SESN1: variants seen among roughly 807,000 people sequenced by gnomAD.
SESN1 encodes sestrin 1.
Under a neutral mutation model 59.3 loss-of-function variants are expected in SESN1, and 30 were observed. That is an observed-to-expected ratio of 0.51 (90% CI 0.38 to 0.69). The LOEUF is 0.69. SESN1 is among the 30% of genes least tolerant of loss of function. The pLI, the probability that SESN1 is intolerant of heterozygous loss-of-function variation, is 0.00. For synonymous variants in SESN1, 197 were observed against 219.9 expected, an observed-to-expected ratio of 0.90 and a Z score of 0.92; for missense variants, 566 against 673.0, an observed-to-expected ratio of 0.84 and a Z score of 1.76.
intron 4 of SESN1, among the ~76,000 whole-genome samples, chr6:108,999,456 C>T (rs1317470668): frequency 6.6e-6 from 1 of 152,064 alleles, no homozygotes; most frequent in Non-Finnish European, 1.5e-5. Context: ...ATTTATAGTG[C>T]ATGGTAGACA....
chr6:109,025,167 C>A (rs974184567), intron 1 of SESN1, among the ~76,000 whole-genome samples: 1 of 151,860 alleles, frequency 6.6e-6, no homozygotes, highest in African/African-American at 2.4e-5. Context: ...AGGAAAAACA[C>A]CCCATTTACA....
chr6:109,026,911 C>T (rs1011081637), intron 1 of SESN1, among the ~76,000 whole-genome samples: 1 of 152,150 alleles, frequency 6.6e-6, no homozygotes, highest in Non-Finnish European at 1.5e-5. Context: ...TGGTGGCTCA[C>T]ACCTGTAATC....
At chr6:109,050,613 T>C (rs1780526680) in intron 1 of SESN1, among the ~76,000 whole-genome samples, 1 of 152,108 alleles carries the variant, frequency 6.6e-6, no homozygotes, top group Non-Finnish European at 1.5e-5. Flanking sequence ...AAATAACCTA[T>C]CTATACAAAT....
intron 6 of SESN1, 49 bp downstream of exon 6, chr6:108,994,413 A>T (rs1465001664): frequency 2.0e-6 from 3 of 1,484,434 alleles, no homozygotes; most frequent in Admixed American, 3.9e-5. Context: ...CTCTAAATAA[A>T]AAGTTGAGTT....
intron 1 of SESN1, among the ~76,000 whole-genome samples, chr6:109,062,204 G>A (rs1453473304): frequency 6.6e-6 from 1 of 152,158 alleles, no homozygotes; most frequent in African/African-American, 2.4e-5. Flanking sequence ...AGGCATTCTT[G>A]AGGAAGTCAG....
chr6:109,025,994 C>T (rs1238514949), intron 1 of SESN1, among the ~76,000 whole-genome samples: 1 of 149,280 alleles, frequency 6.7e-6, no homozygotes, highest in Non-Finnish European at 1.5e-5. Flanking sequence ...TGCAGAATAA[C>T]TTAAAAAAAT....
In SESN1 at chr6:108,994,481, ACTCT is replaced by A. The variant is rs751167597; in HGVS notation, c.1097_1100del (p.Glu366ValfsTer57). ...TCTTACCTGAAGAGAAGACAAACAT[ACTCT>A]CTCTTTTTTCTATTTCAAAACGTGA... On this transcript the variant is annotated frameshift_variant, in exon 6 of 10. Coordinates refer to ENST00000436639, the MANE Select transcript of SESN1 (RefSeq NM_014454.3). LOFTEE classifies it high-confidence loss of function. 8 of 1,612,228 alleles carry A rather than the reference ACTCT, an allele frequency of 5.0e-6. No homozygotes were observed. The highest frequency in any genetic ancestry group is 1.3e-5 in the African/African-American group (1 of 74,904).
intron 1 of SESN1, among the ~76,000 whole-genome samples, chr6:109,060,091 CA>C (rs1454279774): frequency 6.6e-6 from 1 of 151,762 alleles, no homozygotes; most frequent in Admixed American, 6.6e-5. Context: ...TAACAAACAA[CA>C]AAAAAGACAA....
intron 8 of SESN1, among the ~76,000 whole-genome samples, chr6:108,989,568 TAG>T (rs887746997): frequency 9.5e-6 from 1 of 105,054 alleles, no homozygotes; most frequent in Non-Finnish European, 2.0e-5. Context: ...TCTCTAGATC[TAG>T]AGATATCTAT....
intron 4 of SESN1, 96 bp from the exon 5 acceptor site, chr6:108,998,851 A>G (rs1456458258): frequency 7.3e-7 from 1 of 1,379,268 alleles, no homozygotes; most frequent in Admixed American, 2.4e-5. Flanking sequence ...AACATGAGTC[A>G]TCATACAAAG....
At chr6:109,040,970 T>G (rs912767453) in intron 1 of SESN1, among the ~76,000 whole-genome samples, 3 of 151,908 alleles carry the variant, frequency 2.0e-5, no homozygotes, top group Non-Finnish European at 4.4e-5. Flanking sequence ...CATAAATTTT[T>G]AAAATAACAT....
intron 1 of SESN1, among the ~76,000 whole-genome samples, chr6:109,071,348 T>C (rs1780931056): frequency 1.3e-5 from 2 of 151,586 alleles, no homozygotes; most frequent in Admixed American, 1.3e-4. Flanking sequence ...AGATAGTTTT[T>C]GTTTCTTTTT....
chr6:109,053,139 G>T (rs1780570685), intron 1 of SESN1, among the ~76,000 whole-genome samples: 1 of 152,112 alleles, frequency 6.6e-6, no homozygotes, highest in South Asian at 2.1e-4. Context: ...CATTTAAGAA[G>T]TACTTCATTC....
At chr6:109,009,491 A>C (rs1453507124) in intron 1 of SESN1, 1 of 1,232,522 alleles carries the variant, frequency 8.1e-7, no homozygotes, top group Non-Finnish European at 1.0e-6. Context: ...GGACGCGCGG[A>C]GGCGGCGAGC....
At chr6:109,024,577 G>A (rs1489317914) in intron 1 of SESN1, among the ~76,000 whole-genome samples, 1 of 152,010 alleles carries the variant, frequency 6.6e-6, no homozygotes, top group Admixed American at 6.6e-5. Context: ...CTTACAATGG[G>A]GTTATGACTC....
chr6:109,082,463 C>T (rs938754703), intron 1 of SESN1, among the ~76,000 whole-genome samples: 2 of 152,262 alleles, frequency 1.3e-5, no homozygotes, highest in East Asian at 1.9e-4. Flanking sequence ...GACTTAAACC[C>T]GGTCTGACTA....
At chr6:109,093,738 G>C in intron 1 of SESN1, 57 bp downstream of exon 1, 8 of 1,516,740 alleles carry the variant, frequency 5.3e-6, no homozygotes, top group Non-Finnish European at 7.2e-6. Flanking sequence ...GTGAATAACG[G>C]CAAGTAAAAT....
intron 9 of SESN1, 94 bp downstream of exon 9, chr6:108,988,449 G>A: frequency 8.8e-7 from 1 of 1,130,250 alleles, no homozygotes; most frequent in Non-Finnish European, 1.2e-6. Context: ...GTTGGTAGGG[G>A]TGATGGAAAG....
At chr6:109,056,848 G>A (rs111340832) in intron 1 of SESN1, among the ~76,000 whole-genome samples, 2,777 of 152,248 alleles carry the variant, frequency 0.018, 43 homozygotes, top group Non-Finnish European at 0.028. Context: ...TGTGACCACA[G>A]AATATGGCAG....
Sources: allele counts gnomAD v4.1 joint callset (sites outside exome capture counted in the v4.1 genomes callset), GRCh38; gene constraint gnomAD v4.1.1; transcripts MANE v1.5; gene names NCBI Gene and HGNC (gene_info 2026-07-23, HGNC 2026-07-21).